PCBP2: variants seen among roughly 807,000 people sequenced by gnomAD.
PCBP2 encodes the protein poly(rC) binding protein 2.
A neutral mutation model predicts 50.1 loss-of-function variants in PCBP2; 4 were observed. The ratio of observed to expected loss-of-function variants is 0.08; its 90% CI spans 0.04 to 0.18. PCBP2 has a LOEUF of 0.18. Among genes scored for constraint, PCBP2 ranks in the 10% least tolerant of loss-of-function variants. The pLI is 1.00. For synonymous variants in PCBP2, 179 were observed against 168.0 expected, an observed-to-expected ratio of 1.07 and a Z score of -0.51; for missense variants, 161 against 474.3, an observed-to-expected ratio of 0.34 and a Z score of 6.14.
At chr12:53,463,684 G>A (rs1941610184) in intron 8 of PCBP2, among the ~76,000 whole-genome samples, 1 of 152,120 alleles carries the variant, frequency 6.6e-6, no homozygotes, top group Non-Finnish European at 1.5e-5. Context: ...CAATAACGTA[G>A]GGACACCTAG....
At chr12:53,468,885 A>C in intron 13 of PCBP2, 53 bp downstream of exon 13, 1 of 1,346,112 alleles carries the variant, frequency 7.4e-7, no homozygotes, top group Non-Finnish European at 1.1e-6. Context: ...ACTGTAAAGA[A>C]ATAGATGTCG....
At chr12:53,468,080 A>G in intron 12 of PCBP2, 1 of 509,788 alleles carries the variant, frequency 2.0e-6, no homozygotes, top group Non-Finnish European at 3.5e-6. Flanking sequence ...CTTGAGTGTT[A>G]GCCAGCTGGC....
intron 5 of PCBP2, 25 bp downstream of exon 5, chr12:53,456,026 T>A (rs1023576166): frequency 1.5e-6 from 2 of 1,356,500 alleles, no homozygotes; most frequent in Middle Eastern, 1.8e-4. Context: ...ACTCCCTCAT[T>A]CTTCATTTTT....
At chr12:53,467,923 T>G in intron 12 of PCBP2, 80 bp downstream of exon 12, 1 of 1,080,306 alleles carries the variant, frequency 9.3e-7, no homozygotes, top group Admixed American at 1.7e-5. Flanking sequence ...TCACTGCCCA[T>G]GAACCATACC....
Position 53,468,830 on chromosome 12 carries a change from G to A in PCBP2, c.880G>A (p.Asp294Asn). 1 of 1,609,668 alleles carries A rather than the reference G, an allele frequency of 6.2e-7. No homozygotes were observed. Among genetic ancestry groups the A allele is most frequent in the Non-Finnish European group, 8.5e-7 (1 of 1,176,272 alleles). Residue 294 changes from aspartate to asparagine, a missense_variant and splice_region_variant, in exon 13 of 15, where the codon GAT (aspartate) becomes AAT (asparagine). By Grantham distance (23) the Asp-to-Asn change is conservative. This residue lies in a region of PCBP2 where 51 missense variants were observed against 193.0 expected (regional missense o/e 0.26). Coordinates refer to ENST00000546463, the MANE Select transcript of PCBP2 (RefSeq NM_031989.5). ...TTCTCATGAACTCACCATTCCAAAC[G>A]ATGTAAGTGTAGTTAGGTTGCATGG... ...TTSHELTIPN[D>N]LIGCIIGRQG...
At position 53,460,301 on chromosome 12, in the gene PCBP2, G is replaced by C. The variant is rs181572184; in HGVS notation, c.376-714G>C. ...ACCATAGGCGCGCTCCACAATGCCCGGCTAATTTTTCTTCTTTCTGTTGTT... is the reference window on the plus strand; with the variant it reads ...ACCATAGGCGCGCTCCACAATGCCCCGCTAATTTTTCTTCTTTCTGTTGTT... On this transcript the variant is annotated intron_variant, in intron 6 of 14. Coordinates refer to ENST00000546463, the MANE Select transcript of PCBP2 (RefSeq NM_031989.5). 129 of 309,704 alleles carry C rather than the reference G, an allele frequency of 4.2e-4. 1 individual carries two copies. The highest frequency in any genetic ancestry group is 2.6e-3 in the African/African-American group (118 of 44,756). 19.2% of individuals were successfully genotyped at this position (309,704 alleles called of 1,614,324 possible). A position where few individuals can be genotyped will look rare whatever the true frequency, so the allele number is the denominator to read the frequency against.
chr12:53,463,203 C>G (rs1361852910), intron 8 of PCBP2, among the ~76,000 whole-genome samples: 2 of 152,068 alleles, frequency 1.3e-5, no homozygotes, highest in African/African-American at 4.8e-5. Context: ...GTAAGAACAC[C>G]AAAGCACCAC....
At chr12:53,468,988 C>T (rs904950466) in intron 13 of PCBP2, among the ~76,000 whole-genome samples, 156 bp downstream of exon 13, 23 of 151,254 alleles carry the variant, frequency 1.5e-4, no homozygotes, top group African/African-American at 4.9e-4. Flanking sequence ...CCGCAGCCTC[C>T]GCCTCCCGGG....
At chr12:53,458,026 T>G (rs1941164928) in intron 5 of PCBP2, among the ~76,000 whole-genome samples, 1 of 152,060 alleles carries the variant, frequency 6.6e-6, no homozygotes, top group South Asian at 2.1e-4. Context: ...ACTCCCGGGT[T>G]CAAGCGATTC....
At chr12:53,477,041 C>T (rs554182767) in intron 14 of PCBP2, among the ~76,000 whole-genome samples, 1 of 152,190 alleles carries the variant, frequency 6.6e-6, no homozygotes, top group South Asian at 2.1e-4. Context: ...TTTTTAAACC[C>T]TAGAGCTCCC....
At chr12:53,458,286 CTTTCGT>C (rs539997275) in intron 5 of PCBP2, among the ~76,000 whole-genome samples, 4,587 of 143,720 alleles carry the variant, frequency 0.032, 98 homozygotes, top group Non-Finnish European at 0.049. Flanking sequence ...TGTTTTATAT[CTTTCGT>C]TTTTGTTTTT....
At chr12:53,455,536 A>G (rs1940940564) in intron 4 of PCBP2, 43 bp downstream of exon 4, 2 of 1,587,094 alleles carry the variant, frequency 1.3e-6, no homozygotes, top group Non-Finnish European at 1.7e-6. Flanking sequence ...GGGAAGTAAA[A>G]AACCTTTAAA....
chr12:53,461,354 T>A (rs1941432476), intron 7 of PCBP2, among the ~76,000 whole-genome samples: 1 of 152,218 alleles, frequency 6.6e-6, no homozygotes, highest in Non-Finnish European at 1.5e-5. Flanking sequence ...TAAGCAGCAG[T>A]GATCTTTTGG....
At chr12:53,456,673 A>G (rs566659440) in intron 5 of PCBP2, among the ~76,000 whole-genome samples, 18 of 152,330 alleles carry the variant, frequency 1.2e-4, no homozygotes, top group South Asian at 1.0e-3. Context: ...ATCTGCTAAC[A>G]TTGTGTCAAA....
chr12:53,455,391 C>G, intron 3 of PCBP2, 21 bp downstream of exon 3: 1 of 1,614,020 alleles, frequency 6.2e-7, no homozygotes, highest in Non-Finnish European at 8.5e-7. Flanking sequence ...TTCACTTCAA[C>G]TTCAATTACC....
intron 14 of PCBP2, among the ~76,000 whole-genome samples, chr12:53,476,639 A>G (rs916069223): frequency 2.0e-5 from 3 of 151,590 alleles, no homozygotes; most frequent in Admixed American, 6.6e-5. Context: ...TCCCAGCATC[A>G]CCATTGGCTG....
chr12:53,454,852 C>T lies in PCBP2; in HGVS notation c.52C>T (p.Leu18=). 1.2e-6 allele frequency: 2 copies of T among 1,614,036 alleles called. No individual in the cohort carries two copies. Among genetic ancestry groups the T allele is most frequent in the Admixed American group, 1.7e-5 (1 of 60,020 alleles). The change falls in exon 2 of 15, where the codon CTA becomes TTA. Residue 18 remains leucine (L), a synonymous_variant. Coordinates refer to ENST00000546463, the MANE Select transcript of PCBP2 (RefSeq NM_031989.5). ...ATTAAATGTCACTCTCACCATCCGG[C>T]TACTTATGCATGGAAAGGTATGCTC... is the stretch of plus-strand genomic sequence containing the variant. ...GGLNVTLTIR[L]LMHGKEVGSI... is the part of the protein sequence containing the mutation.
chr12:53,470,604 T>G (rs1942156251), intron 13 of PCBP2, among the ~76,000 whole-genome samples: 1 of 151,462 alleles, frequency 6.6e-6, no homozygotes, highest in Non-Finnish European at 1.5e-5. Flanking sequence ...AAGACAAGAG[T>G]TTCGCCATGA....
At chr12:53,455,601 A>G (rs1210915696) in intron 4 of PCBP2, 108 bp downstream of exon 4, 5 of 1,182,042 alleles carry the variant, frequency 4.2e-6, no homozygotes, top group African/African-American at 1.5e-5. Context: ...GGAAATATGT[A>G]TTTTTTTTCG....
Sources: allele counts gnomAD v4.1 joint callset (sites outside exome capture counted in the v4.1 genomes callset), GRCh38; gene constraint gnomAD v4.1.1; regional missense constraint gnomAD v4.1.1; transcripts MANE v1.5; gene names NCBI Gene and HGNC (gene_info 2026-07-23, HGNC 2026-07-21).